The following CCDC201 variants were observed in gnomAD, a reference collection of about 807,000 sequenced individuals.
CCDC201 encodes the protein coiled-coil domain containing 201.
At chr7:45,867,153 C>T (rs910643258) in intron 1 of CCDC201, among the ~76,000 whole-genome samples, 2 of 152,210 alleles carry the variant, frequency 1.3e-5, no homozygotes, top group African/African-American at 4.8e-5. Flanking sequence ...TGTGCCTCTG[C>T]AGTGCCCCTT....
At chr7:45,865,502 T>A (rs1786658272) in intron 2 of CCDC201, among the ~76,000 whole-genome samples, 1 of 152,142 alleles carries the variant, frequency 6.6e-6, no homozygotes, top group Admixed American at 6.5e-5. Flanking sequence ...AGCTCCCTCT[T>A]CAAAGCATAG....
At chr7:45,883,212 T>C in the CCDC201 span, among the ~76,000 whole-genome samples, 2 of 152,306 alleles carry the variant, frequency 1.3e-5, no homozygotes, top group Non-Finnish European at 2.9e-5. Flanking sequence ...TTGGTGCCTG[T>C]GTGGTGCTGG....
intron 1 of CCDC201, among the ~76,000 whole-genome samples, chr7:45,867,192 C>A (rs945676908): frequency 3.9e-5 from 6 of 152,120 alleles, no homozygotes; most frequent in Non-Finnish European, 8.8e-5. Flanking sequence ...AGTGACCTGA[C>A]AGCAGATTGA....
chr7:45,861,710 C>G (rs796378735), exon 3 of CCDC201: 1 of 152,012 alleles, frequency 6.6e-6, no homozygotes, highest in Non-Finnish European at 1.5e-5. Context: ...TCTTTTAAGC[C>G]AGTCTGAGCC....
At chr7:45,876,890 G>A (rs1378811053), upstream of CCDC201, among the ~76,000 whole-genome samples, 1 of 152,206 alleles carries the variant, frequency 6.6e-6, no homozygotes, top group Non-Finnish European at 1.5e-5. Flanking sequence ...CTCTCACTGC[G>A]CAGGACACAC....
At chr7:45,875,584 C>T (rs1209538985), upstream of CCDC201, among the ~76,000 whole-genome samples, 1 of 152,144 alleles carries the variant, frequency 6.6e-6, no homozygotes, top group Non-Finnish European at 1.5e-5. Flanking sequence ...AATTGTTTCG[C>T]ATTTTTTCTA....
At chr7:45,875,384 A>G (rs1163622932), upstream of CCDC201, among the ~76,000 whole-genome samples, 1 of 150,432 alleles carries the variant, frequency 6.6e-6, no homozygotes, top group Admixed American at 6.7e-5. Context: ...AGTCCCAGCT[A>G]CTTGGGAGGC....
chr7:45,861,796 G>A (rs6945462), exon 3 of CCDC201: 53,473 of 152,080 alleles, frequency 0.35, 9,672 homozygotes, highest in East Asian at 0.56. Flanking sequence ...CCACCTGTCC[G>A]CACACTTGAA....
At chr7:45,862,130 A>G (rs1399771092) in exon 3 of CCDC201, 1 of 152,234 alleles carries the variant, frequency 6.6e-6, no homozygotes, top group African/African-American at 2.4e-5. Context: ...GGGTTGGCCC[A>G]TGTAACTGTT....
intron 2 of CCDC201, among the ~76,000 whole-genome samples, chr7:45,865,806 G>A (rs1263156365): frequency 6.6e-6 from 1 of 152,196 alleles, no homozygotes; most frequent in African/African-American, 2.4e-5. Flanking sequence ...TCTTGGGACA[G>A]GGCAGCAGCA....
At chr7:45,874,659 C>T (rs928100700), upstream of CCDC201, among the ~76,000 whole-genome samples, 1 of 152,230 alleles carries the variant, frequency 6.6e-6, no homozygotes, top group Non-Finnish European at 1.5e-5. Context: ...ATCCTGGGTT[C>T]TTCCTGAGGC....
intron 1 of CCDC201, among the ~76,000 whole-genome samples, chr7:45,871,557 T>A (rs1238939211): frequency 6.6e-6 from 1 of 152,044 alleles, no homozygotes; most frequent in African/African-American, 2.4e-5. Flanking sequence ...ACTTACAACA[T>A]AGAGGCCATA....
At chr7:45,871,810 G>A (rs1410745484) in intron 1 of CCDC201, among the ~76,000 whole-genome samples, 1 of 152,136 alleles carries the variant, frequency 6.6e-6, no homozygotes, top group Non-Finnish European at 1.5e-5. Context: ...TAATAAAAAT[G>A]CAGATCAAAA....
intron 2 of CCDC201, among the ~76,000 whole-genome samples, chr7:45,865,076 G>T (rs895818226): frequency 9.9e-5 from 15 of 151,954 alleles, no homozygotes; most frequent in African/African-American, 3.1e-4. Flanking sequence ...GGGCCTTCCA[G>T]TTCTGAGAAA....
At chr7:45,883,975 C>CTTTCT in the CCDC201 span, among the ~76,000 whole-genome samples, 8 of 151,588 alleles carry the variant, frequency 5.3e-5, no homozygotes, top group Admixed American at 2.6e-4. Context: ...CTTTTTCTTT[C>CTTTCT]TTTCTTTTCT....
the CCDC201 span, among the ~76,000 whole-genome samples, chr7:45,878,716 G>A: frequency 6.6e-6 from 1 of 152,266 alleles, no homozygotes; most frequent in South Asian, 2.1e-4. Flanking sequence ...TGTGTTGGGA[G>A]TGGCTGCCCC....
chr7:45,872,754 G>C (rs1433709014), intron 1 of CCDC201, among the ~76,000 whole-genome samples: 1 of 152,186 alleles, frequency 6.6e-6, no homozygotes, highest in Non-Finnish European at 1.5e-5. Flanking sequence ...ATCAAGAGGA[G>C]ACTCTGGGCA....
chr7:45,871,817 A>G (rs1414064318), intron 1 of CCDC201, among the ~76,000 whole-genome samples: 1 of 152,234 alleles, frequency 6.6e-6, no homozygotes, highest in African/African-American at 2.4e-5. Context: ...AATGCAGATC[A>G]AAATGAAACC....
chr7:45,872,110 T>C (rs566904403), intron 1 of CCDC201, among the ~76,000 whole-genome samples: 1 of 152,360 alleles, frequency 6.6e-6, no homozygotes, highest in Admixed American at 6.5e-5. Flanking sequence ...GTGGTCACTG[T>C]GCATCTTATG....
Sources: allele counts gnomAD v4.1 joint callset (sites outside exome capture counted in the v4.1 genomes callset), GRCh38; gene constraint gnomAD v4.1.1; transcripts MANE v1.5; gene names NCBI Gene and HGNC (gene_info 2026-07-23, HGNC 2026-07-21).